The following GLYATL3 variants were observed in gnomAD, a reference collection of about 807,000 sequenced individuals.
GLYATL3 encodes the protein glycine N-acyltransferase-like protein 3.
Under a neutral mutation model 28.5 loss-of-function variants are expected in GLYATL3, and 31 were observed. The observed-to-expected ratio is 1.09, with a 90% CI of 0.82 to 1.47. GLYATL3 has a LOEUF of 1.47. GLYATL3 is among the 40% of genes most tolerant of loss of function. The pLI, the probability that GLYATL3 is intolerant of heterozygous loss-of-function variation, is 0.00. For synonymous variants in GLYATL3, 141 were observed against 140.2 expected, an observed-to-expected ratio of 1.01 and a Z score of -0.04; for missense variants, 369 against 351.5, an observed-to-expected ratio of 1.05 and a Z score of -0.40.
chr6:49,519,147 A>T (rs1769270853), intron 4 of GLYATL3, among the ~76,000 whole-genome samples: 2 of 152,170 alleles, frequency 1.3e-5, no homozygotes, highest in African/African-American at 4.8e-5. Flanking sequence ...CATTGGTGTG[A>T]AAAATCATGG....
intron 1 of GLYATL3, among the ~76,000 whole-genome samples, chr6:49,503,992 G>T (rs1768961897): frequency 6.6e-6 from 1 of 152,266 alleles, no homozygotes; most frequent in East Asian, 1.9e-4. Context: ...CATTAACATA[G>T]ACCTCGATAG....
At chr6:49,502,285 G>A (rs1030848021) in intron 1 of GLYATL3, among the ~76,000 whole-genome samples, 3 of 152,122 alleles carry the variant, frequency 2.0e-5, no homozygotes, top group African/African-American at 7.2e-5. Context: ...TCCTCCCAAG[G>A]ATTTTACCCA....
At chr6:49,519,066 A>G (rs778019231) in intron 4 of GLYATL3, among the ~76,000 whole-genome samples, 6 of 152,216 alleles carry the variant, frequency 3.9e-5, no homozygotes, top group Non-Finnish European at 7.3e-5. Context: ...TGATTCTATC[A>G]CTTCCACAGC....
chr6:49,522,149 G>T (rs748864659), intron 5 of GLYATL3, among the ~76,000 whole-genome samples: 3 of 152,086 alleles, frequency 2.0e-5, no homozygotes, highest in African/African-American at 7.2e-5. Flanking sequence ...AGGGATGGGG[G>T]TATATAGCTG....
At chr6:49,523,592 C>T (rs9473583) in intron 5 of GLYATL3, among the ~76,000 whole-genome samples, 40,382 of 152,146 alleles carry the variant, frequency 0.27, 5,575 homozygotes, top group South Asian at 0.3. Flanking sequence ...GTCAACCTTG[C>T]AATTCGGCCT....
chr6:49,503,487 A>C (rs1329761309), intron 1 of GLYATL3, among the ~76,000 whole-genome samples: 1 of 152,248 alleles, frequency 6.6e-6, no homozygotes, highest in Non-Finnish European at 1.5e-5. Context: ...ATGATATAAT[A>C]GGGGAGGGTT....
intron 3 of GLYATL3, 59 bp from the exon 4 acceptor site, chr6:49,517,371 A>G: frequency 7.1e-7 from 1 of 1,409,956 alleles, no homozygotes; most frequent in Non-Finnish European, 9.4e-7. Context: ...TAATCTACCT[A>G]AGATTTGGAT....
At position 49,526,850 on chromosome 6, in the gene GLYATL3, TG is replaced by T; in HGVS notation, c.804del (p.Leu268PhefsTer48). On this transcript the variant is annotated frameshift_variant, in exon 6 of 6. Transcript: ENST00000371197. LOFTEE classifies it high-confidence loss of function. Reference sequence around the variant, plus strand: ...CTGAAGAGTCTCCATGCTGAGTTCTTGCCTTGTCGCTTCCACAGGCTTATTC... The same window carrying T: ...CTGAAGAGTCTCCATGCTGAGTTCTTCCTTGTCGCTTCCACAGGCTTATTC... The part of the protein sequence containing the change: ...SLLKSLHAEF[L>X]PCRFHRLILT... 6.4e-7 allele frequency: 1 copy of T among 1,551,828 alleles called. No individual in the cohort carries two copies. The highest frequency in any genetic ancestry group is 8.7e-7 in the Non-Finnish European group (1 of 1,146,880).
chr6:49,525,586 A>G (rs1469475261), intron 5 of GLYATL3, among the ~76,000 whole-genome samples: 3 of 133,466 alleles, frequency 2.2e-5, no homozygotes, highest in African/African-American at 8.2e-5. Context: ...AAAAAAAAAA[A>G]AAAAAAAAAT....
At chr6:49,507,880 G>C (rs1251838001) in intron 1 of GLYATL3, among the ~76,000 whole-genome samples, 1 of 152,156 alleles carries the variant, frequency 6.6e-6, no homozygotes, top group Non-Finnish European at 1.5e-5. Context: ...GTGAGGGCGG[G>C]GGTAGGTTAG....
chr6:49,525,229 T>A (rs1241554786), intron 5 of GLYATL3, among the ~76,000 whole-genome samples: 1 of 151,704 alleles, frequency 6.6e-6, no homozygotes, highest in Non-Finnish European at 1.5e-5. Flanking sequence ...TGTTGTTGTT[T>A]ACAGAAAGTG....
intron 2 of GLYATL3, 62 bp from the exon 3 acceptor site, chr6:49,515,591 G>T (rs1769200102): frequency 5.5e-6 from 5 of 917,358 alleles, no homozygotes; most frequent in Non-Finnish European, 8.8e-6. Context: ...AGGTAAAGAC[G>T]ATAATATGTG....
At chr6:49,507,518 G>A (rs532616751) in intron 1 of GLYATL3, among the ~76,000 whole-genome samples, 26 of 152,222 alleles carry the variant, frequency 1.7e-4, no homozygotes, top group East Asian at 5.8e-4. Flanking sequence ...TGTGATTGTC[G>A]CATAATAGCC....
rs1384049081 is a variant in GLYATL3, at chr6:49,526,546, C to T, written c.499C>T (p.Arg167Trp). The change falls in exon 6 of 6, where the codon CGG becomes TGG. Residue 167 changes from arginine (R) to tryptophan (W), a missense_variant. Coordinates refer to ENST00000371197, the MANE Select transcript of GLYATL3 (RefSeq NM_001010904.2). ...TGTTGCCAATGCGGATCTACTCAACCGGACTTGGTCCCGGGGAGGCAATGA... is the reference window on the plus strand; with the variant it reads ...TGTTGCCAATGCGGATCTACTCAACTGGACTTGGTCCCGGGGAGGCAATGA... ...LSVANADLLN[R>W]TWSRGGNEQC... The T allele has an allele frequency of 2.6e-6, 4 of 1,551,666 alleles. No individual in the cohort carries two copies. The highest frequency in any genetic ancestry group is 2.4e-5 in the East Asian group (1 of 40,928).
Position 49,521,750 on chromosome 6 carries a change from C to T in GLYATL3, c.419C>T (p.Ser140Phe). The T allele has an allele frequency of 1.3e-6, 2 of 1,551,512 alleles. No individual in the cohort carries two copies. Among genetic ancestry groups the T allele is most frequent in the Non-Finnish European group, 1.7e-6 (2 of 1,146,860 alleles). Residue 140 changes from serine (S) to phenylalanine (F), a missense_variant, in exon 5 of 6, where the codon TCT (serine) becomes TTT (phenylalanine). Transcript: ENST00000371197. The stretch of plus-strand genomic sequence containing the variant: ...GCTGTTCATTTTTCTCCTGTTTCAT[C>T]TCTGCCAGATACCAGTTTCCTGTAT... ...FKAVHFSPVS[S>F]LPDTSFLKGP...
chr6:49,517,760 GA>G lies in GLYATL3; in HGVS notation c.313+205del, dbSNP rs1769243417. Among the ~76,000 whole-genome samples the G allele has an allele frequency of 2.0e-5, 3 of 152,022 alleles. No individual in the cohort carries two copies. In the South Asian group the frequency reaches 6.2e-4, roughly 32 times the overall value. On this transcript the variant is annotated intron_variant, in intron 4 of 5. Coordinates refer to ENST00000371197, the MANE Select transcript of GLYATL3 (RefSeq NM_001010904.2). The stretch of plus-strand genomic sequence containing the variant: ...AGAACACTCATTTGTCACTTCTAAT[GA>G]GGCATGCATGGCCTTCAGGGTAAAA...
At chr6:49,525,028 A>C (rs1422436467) in intron 5 of GLYATL3, among the ~76,000 whole-genome samples, 2 of 150,198 alleles carry the variant, frequency 1.3e-5, no homozygotes, top group Non-Finnish European at 3.0e-5. Context: ...TATGCTTGGC[A>C]TATTAAGAGA....
intron 2 of GLYATL3, among the ~76,000 whole-genome samples, chr6:49,512,284 C>CT (rs1239062856): frequency 0.11 from 13,304 of 121,462 alleles, 724 homozygotes; most frequent in Non-Finnish European, 0.12. Flanking sequence ...TTTTTTCTTT[C>CT]TTTTTTTTTT....
At position 49,526,835 on chromosome 6, in the gene GLYATL3, T is replaced by A. The variant is rs377099638; in HGVS notation, c.788T>A (p.Leu263His). ...NTASISLLKS[L>H]HAEFLPCRFH... ...GCGTCTATAAGCCTCCTGAAGAGTC[T>A]CCATGCTGAGTTCTTGCCTTGTCGC... The change falls in exon 6 of 6, where the codon CTC (leucine) becomes CAC (histidine). Residue 263 changes from leucine (L) to histidine (H), a missense_variant. By Grantham distance (99) the Leu-to-His change is moderately conservative. Coordinates refer to ENST00000371197, the MANE Select transcript of GLYATL3 (RefSeq NM_001010904.2). The A allele has an allele frequency of 1.9e-5, 29 of 1,552,030 alleles. No individual in the cohort carries two copies. Among genetic ancestry groups the A allele is most frequent in the Non-Finnish European group, 2.5e-5 (29 of 1,147,066 alleles).
Sources: allele counts gnomAD v4.1 joint callset (sites outside exome capture counted in the v4.1 genomes callset), GRCh38; gene constraint gnomAD v4.1.1; transcripts MANE v1.5; gene names NCBI Gene and HGNC (gene_info 2026-07-23, HGNC 2026-07-21).